The following RSPO2 variants were observed in gnomAD, a reference collection of about 807,000 sequenced individuals.
RSPO2 encodes the protein R-spondin-2.
In RSPO2, 14 loss-of-function variants were observed where a neutral mutation model predicts 30.9. The ratio of observed to expected loss-of-function variants is 0.45; its 90% CI spans 0.30 to 0.71. The LOEUF (loss-of-function observed/expected upper bound fraction) is 0.71. RSPO2 is among the 30% of genes least tolerant of loss of function. The pLI is 0.08. For synonymous variants in RSPO2, 107 were observed against 96.4 expected (o/e 1.11, Z -0.64); for missense variants, 264 against 301.9 (o/e 0.87, Z 0.93).
At chr8:107,988,559 T>TA (rs1814731789) in intron 3 of RSPO2, among the ~76,000 whole-genome samples, 1 of 152,188 alleles carries the variant, frequency 6.6e-6, no homozygotes, top group Non-Finnish European at 1.5e-5. Context: ...AATTGTGTCT[T>TA]ACAGCTCTAT....
intron 2 of RSPO2, among the ~76,000 whole-genome samples, chr8:108,006,719 G>A (rs895528720): frequency 7.2e-5 from 11 of 152,042 alleles, no homozygotes; most frequent in South Asian, 2.1e-4. Flanking sequence ...GTAGGACACC[G>A]GGATTGTAAA....
chr8:108,077,326 A>G (rs536546203), intron 2 of RSPO2, among the ~76,000 whole-genome samples: 8 of 152,124 alleles, frequency 5.3e-5, no homozygotes, highest in Non-Finnish European at 8.8e-5. Context: ...AGTGTGAAGA[A>G]GGAGGGAATC....
chr8:108,055,758 T>C (rs1246940604), intron 2 of RSPO2, among the ~76,000 whole-genome samples: 1 of 152,200 alleles, frequency 6.6e-6, no homozygotes, highest in Non-Finnish European at 1.5e-5. Context: ...TGTTTATTTT[T>C]ATCCACAACA....
In RSPO2 at chr8:107,939,897, T is replaced by C. The variant is rs1016947801; in HGVS notation, c.616+18183A>G. ...AAACAGTATCGCTCCTAAAAATTTATAGTTGCTTAATATTAATATCATCTT... is the reference window on the plus strand; with the variant it reads ...AAACAGTATCGCTCCTAAAAATTTACAGTTGCTTAATATTAATATCATCTT... On this transcript the variant is annotated intron_variant, in intron 5 of 5. Transcript: ENST00000276659. Among the ~76,000 whole-genome samples, 3 of 152,136 alleles carry C rather than the reference T, an allele frequency of 2.0e-5. No individual in the cohort carries two copies. In the South Asian group the frequency reaches 6.2e-4, roughly 31 times the overall value.
Position 107,989,170 on chromosome 8 carries a change from G to A in RSPO2, c.169C>T (p.Gln57Ter), listed in dbSNP as rs1814759986. ...CTTCGAAGGAAGAAGAACAACTTCTGTTGACATCGGCTACACCCATTGTCC... is the reference window on the plus strand; with the variant it reads ...CTTCGAAGGAAGAAGAACAACTTCTATTGACATCGGCTACACCCATTGTCC... Reference protein sequence around the residue: ...SKDNGCSRCQQKLFFFLRREG... With the variant: ...SKDNGCSRCQ Residue 57 changes from glutamine to a stop codon, truncating the protein, a stop_gained, in exon 3 of 6, where the codon CAG (glutamine) becomes TAG (stop). Transcript: ENST00000276659. LOFTEE classifies it high-confidence loss of function. 1 of 1,611,916 alleles carries A rather than the reference G, an allele frequency of 6.2e-7. No individual in the cohort carries two copies. The highest frequency in any genetic ancestry group is 8.5e-7 in the Non-Finnish European group (1 of 1,179,306).
In RSPO2 at chr8:107,939,800, A is replaced by T. The variant is rs556763636; in HGVS notation, c.616+18280T>A. ...TGTGTGCTACTAGCTTGGTAATTTTAAAAAAATCCTTGATTTTTCTGGGAC... is the reference window on the plus strand; with the variant it reads ...TGTGTGCTACTAGCTTGGTAATTTTTAAAAAATCCTTGATTTTTCTGGGAC... On this transcript the variant is annotated intron_variant, in intron 5 of 5. Coordinates refer to ENST00000276659, the MANE Select transcript of RSPO2 (RefSeq NM_178565.5). 6.4e-4 allele frequency among the ~76,000 whole-genome samples: 98 copies of T among 152,174 alleles called. 1 individual carries two copies. Among genetic ancestry groups the T allele is most frequent in the Middle Eastern group, 3.4e-3 (1 of 294 alleles).
rs1053953561 is a variant in RSPO2 at position 107,983,989 on chromosome 8, A to G, written c.283+5067T>C. Reference sequence around the variant, plus strand: ...ATAATTGAAATAGAAGGCCACCAAAAGGGGAAAAGAGGAAATAATACAGTA... The same window carrying G: ...ATAATTGAAATAGAAGGCCACCAAAGGGGGAAAAGAGGAAATAATACAGTA... On this transcript the variant is annotated intron_variant, in intron 3 of 5. Coordinates refer to ENST00000276659, the MANE Select transcript of RSPO2 (RefSeq NM_178565.5). 7 of 734,974 alleles carry G rather than the reference A, an allele frequency of 9.5e-6. No individual in the cohort carries two copies. In the African/African-American group the frequency reaches 1.1e-4, roughly 11 times the overall value. The allele number at this position is 734,974 out of a possible 1,614,324, so 45.5% of individuals were successfully genotyped here.
chr8:107,957,274 T>C (rs574007189), intron 5 of RSPO2, among the ~76,000 whole-genome samples: 6 of 152,328 alleles, frequency 3.9e-5, no homozygotes, highest in Admixed American at 2.0e-4. Context: ...CACAACTTTC[T>C]TTTTTGCTCT....
chr8:108,002,083 T>C (rs898602590), intron 2 of RSPO2, among the ~76,000 whole-genome samples: 1 of 152,242 alleles, frequency 6.6e-6, no homozygotes, highest in East Asian at 1.9e-4. Flanking sequence ...TGCTATCCTA[T>C]AAGCCTTAGC....
At chr8:107,983,512 A>C in intron 3 of RSPO2, 1 of 1,600,624 alleles carries the variant, frequency 6.2e-7, no homozygotes, top group Non-Finnish European at 8.6e-7. Context: ...GATTCAGGGG[A>C]TCTTTGACAG....
chr8:108,070,238 C>T (rs960777094), intron 2 of RSPO2, among the ~76,000 whole-genome samples: 3 of 149,440 alleles, frequency 2.0e-5, no homozygotes, highest in African/African-American at 4.9e-5. Context: ...GTGGGAGGAT[C>T]GCTTGAGCCC....
At chr8:108,051,403 C>G (rs1457193778) in intron 2 of RSPO2, among the ~76,000 whole-genome samples, 1 of 152,002 alleles carries the variant, frequency 6.6e-6, no homozygotes, top group Non-Finnish European at 1.5e-5. Context: ...AAAACGGCTA[C>G]AAAAAATGTT....
intron 5 of RSPO2, among the ~76,000 whole-genome samples, chr8:107,932,822 T>TAACC (rs1554573470): frequency 6.6e-6 from 1 of 152,006 alleles, no homozygotes; most frequent in East Asian, 1.9e-4. Flanking sequence ...GAGAGCAAGG[T>TAACC]AACCGATCAT....
At chr8:107,937,631 A>C (rs536484751) in intron 5 of RSPO2, among the ~76,000 whole-genome samples, 102 of 151,186 alleles carry the variant, frequency 6.7e-4, no homozygotes, top group Non-Finnish European at 2.1e-4. Context: ...AAAAAAGAGC[A>C]ACAGAAGAAG....
At chr8:108,072,680 C>T (rs1044098755) in intron 2 of RSPO2, among the ~76,000 whole-genome samples, 4 of 151,670 alleles carry the variant, frequency 2.6e-5, no homozygotes, top group Non-Finnish European at 5.9e-5. Context: ...CTTTATTACA[C>T]AAGGGGGAAT....
intron 5 of RSPO2, among the ~76,000 whole-genome samples, chr8:107,931,382 C>T (rs576800054): frequency 6.6e-6 from 1 of 152,246 alleles, no homozygotes; most frequent in South Asian, 2.1e-4. Context: ...ACCTGCAGTA[C>T]ACATTTGACA....
chr8:108,025,508 G>A (rs1302645520), intron 2 of RSPO2, among the ~76,000 whole-genome samples: 1 of 152,026 alleles, frequency 6.6e-6, no homozygotes, highest in African/African-American at 2.4e-5. Flanking sequence ...AGTAAACAAG[G>A]ACAAGGAAAA....
At chr8:108,020,220 A>G (rs1397256734) in intron 2 of RSPO2, among the ~76,000 whole-genome samples, 1 of 151,390 alleles carries the variant, frequency 6.6e-6, no homozygotes, top group East Asian at 1.9e-4. Flanking sequence ...AGCTCTTATC[A>G]CTCTTCATTC....
intron 5 of RSPO2, among the ~76,000 whole-genome samples, chr8:107,933,905 A>G (rs1006195793): frequency 6.6e-5 from 10 of 152,322 alleles, no homozygotes; most frequent in African/African-American, 2.4e-4. Flanking sequence ...TCATCTTAAA[A>G]AATAAAATAA....
Sources: gnomAD v4.1 joint callset for allele counts (sites outside exome capture counted in the v4.1 genomes callset) on GRCh38, gnomAD v4.1.1 for gene constraint, MANE v1.5 for transcripts, NCBI Gene and HGNC (gene_info 2026-07-23, HGNC 2026-07-21) for gene names.